The following MEIOB variants were observed in gnomAD, a reference collection of about 807,000 sequenced individuals.
MEIOB encodes meiosis-specific with OB domain-containing protein.
MEIOB carries 50 observed loss-of-function variants against 53.1 expected under a neutral mutation model. The observed-to-expected ratio is 0.94, with a 90% CI of 0.75 to 1.19. MEIOB has a LOEUF of 1.19. MEIOB is among the 50% of genes most tolerant of loss of function. The pLI, the probability that MEIOB is intolerant of heterozygous loss-of-function variation, is 0.00. For synonymous variants in MEIOB, 192 were observed against 182.5 expected (o/e 1.05, Z -0.42); for missense variants, 551 against 550.8 (o/e 1.00, Z 0.00).
chr16:1,841,476 G>A lies in MEIOB; in HGVS notation c.1034+344C>T, dbSNP rs556384243. Among the ~76,000 whole-genome samples, 4 of 152,204 alleles carry A rather than the reference G, an allele frequency of 2.6e-5. No homozygotes were observed. In the South Asian group the frequency reaches 8.3e-4, roughly 32 times the overall value. On this transcript the variant is annotated intron_variant, in intron 11 of 13. Transcript: ENST00000325962. ...ACTACAGGCGCATGCTACTGCACCT[G>A]GCTTGAAAATAATTTTTTTTTAATG...
At chr16:1,836,902 A>G (rs1898761979) in intron 13 of MEIOB, among the ~76,000 whole-genome samples, 1 of 152,230 alleles carries the variant, frequency 6.6e-6, no homozygotes, top group Non-Finnish European at 1.5e-5. Flanking sequence ...ATCAGTAGAT[A>G]TAACCACACA....
intron 1 of MEIOB, among the ~76,000 whole-genome samples, chr16:1,870,608 G>A (rs1291635070): frequency 6.6e-6 from 1 of 152,216 alleles, no homozygotes; most frequent in East Asian, 1.9e-4. Context: ...AGTAGAAACA[G>A]TGTATACAAG....
chr16:1,860,415 G>C lies in MEIOB; in HGVS notation c.320C>G (p.Pro107Arg). 6.5e-7 allele frequency: 1 copy of C among 1,540,712 alleles called. No homozygotes were observed. ...KEIEREEKFS[P>R]ATPSNCKLLL... is the part of the protein sequence containing the mutation. Reference sequence around the variant, plus strand: ...GACAGATGCTTACCTAGGAGTTGCAGGGCTGAATTTTTCTTCTCTTTCTAT... The same window carrying C: ...GACAGATGCTTACCTAGGAGTTGCACGGCTGAATTTTTCTTCTCTTTCTAT... The change falls in exon 5 of 14, where the codon CCT (proline) becomes CGT (arginine). Residue 107 changes from proline (P) to arginine (R), a missense_variant. Physicochemically the swap from Pro to Arg is moderately radical, Grantham distance 103. Coordinates refer to ENST00000325962, the MANE Select transcript of MEIOB (RefSeq NM_001163560.3).
At chr16:1,845,462 G>A (rs1472234157) in intron 9 of MEIOB, among the ~76,000 whole-genome samples, 1 of 152,028 alleles carries the variant, frequency 6.6e-6, no homozygotes, top group African/African-American at 2.4e-5. Flanking sequence ...GGAGCTTGCA[G>A]TAAACTGAGA....
At chr16:1,860,330 T>C (rs535655462) in intron 5 of MEIOB, 73 bp downstream of exon 5, 3 of 774,356 alleles carry the variant, frequency 3.9e-6, no homozygotes, top group East Asian at 2.8e-5. Context: ...TTTAGTAAGA[T>C]CTCTGCTAAT....
intron 9 of MEIOB, among the ~76,000 whole-genome samples, chr16:1,848,978 A>G (rs548834056): frequency 1.5e-4 from 23 of 152,250 alleles, no homozygotes; most frequent in Admixed American, 3.3e-4. Context: ...CCCATCAGAT[A>G]GGCAAAAGGT....
In MEIOB at chr16:1,834,380, C is replaced by A; in HGVS notation, c.1306-14G>T. On this transcript the variant is annotated splice_polypyrimidine_tract_variant and intron_variant, in intron 13 of 13. Coordinates refer to ENST00000325962, the MANE Select transcript of MEIOB (RefSeq NM_001163560.3). ...TGATAGAACGAACTGCGAGGAGAAACAGAAAAAGAGACAAAAGGTTAATTT... is the reference window on the plus strand; with the variant it reads ...TGATAGAACGAACTGCGAGGAGAAAAAGAAAAAGAGACAAAAGGTTAATTT... The A allele has an allele frequency of 7.2e-7, 1 of 1,395,472 alleles. No individual in the cohort carries two copies. The allele number at this position is 1,395,472 out of a possible 1,614,324, so 86.4% of individuals were successfully genotyped here. A position where few individuals can be genotyped will look rare whatever the true frequency, so the allele number is the denominator to read the frequency against.
intron 12 of MEIOB, among the ~76,000 whole-genome samples, chr16:1,838,691 GTTTTTT>G (rs879708755): frequency 6.7e-6 from 1 of 148,406 alleles, no homozygotes; most frequent in Non-Finnish European, 1.5e-5. Context: ...TTAGTGTTTT[GTTTTTT>G]TTTTAATTAT....
chr16:1,862,735 T>C (rs1899478510), intron 3 of MEIOB, among the ~76,000 whole-genome samples: 1 of 152,030 alleles, frequency 6.6e-6, no homozygotes, highest in African/African-American at 2.4e-5. Flanking sequence ...CTGGCCAACA[T>C]GGTGAAACCC....
At chr16:1,863,486 A>G (rs1899507143) in intron 3 of MEIOB, among the ~76,000 whole-genome samples, 1 of 151,860 alleles carries the variant, frequency 6.6e-6, no homozygotes, top group Non-Finnish European at 1.5e-5. Flanking sequence ...TCCTGGGTTC[A>G]AGCAATTCTC....
In MEIOB at chr16:1,839,259, C is replaced by G; in HGVS notation, c.1214G>C (p.Cys405Ser). 1.3e-6 allele frequency: 2 copies of G among 1,591,092 alleles called. No homozygotes were observed. The highest frequency in any genetic ancestry group is 8.5e-7 in the Non-Finnish European group (1 of 1,170,548). ...TTCTTCCTTTTTGCTATTTACCGTGCAGCCCAAAGTCTCCTCAGCAACACT... is the reference window on the plus strand; with the variant it reads ...TTCTTCCTTTTTGCTATTTACCGTGGAGCCCAAAGTCTCCTCAGCAACACT... ...TGSVAEETLG[C>S]TVHEFLAMTD... The change falls in exon 12 of 14, where the codon TGC becomes TCC. Residue 405 changes from cysteine (C) to serine (S), a missense_variant. By Grantham distance (112) the Cys-to-Ser change is moderately radical. Coordinates refer to ENST00000325962, the MANE Select transcript of MEIOB (RefSeq NM_001163560.3).
At chr16:1,837,891 A>T in intron 12 of MEIOB, 21 bp from the exon 13 acceptor site, 1 of 1,484,098 alleles carries the variant, frequency 6.7e-7, no homozygotes, top group Non-Finnish European at 9.0e-7. Flanking sequence ...AAAAAATATG[A>T]GACAAATATA....
intron 7 of MEIOB, 26 bp downstream of exon 7, chr16:1,854,074 A>G (rs2142089905): frequency 7.4e-7 from 1 of 1,359,914 alleles, no homozygotes; most frequent in South Asian, 1.3e-5. Flanking sequence ...GGGATTTCAC[A>G]GTTTGGAACA....
intron 4 of MEIOB, among the ~76,000 whole-genome samples, chr16:1,861,776 C>T (rs936826341): frequency 6.6e-6 from 1 of 152,096 alleles, no homozygotes; most frequent in Non-Finnish European, 1.5e-5. Context: ...CTCACGCAAT[C>T]CACCCACCTC....
intron 9 of MEIOB, among the ~76,000 whole-genome samples, chr16:1,845,674 C>T (rs1299832663): frequency 6.9e-6 from 1 of 145,522 alleles, no homozygotes; most frequent in African/African-American, 2.5e-5. Context: ...CTTTACTTAT[C>T]ATAAAAAAAA....
intron 3 of MEIOB, among the ~76,000 whole-genome samples, 170 bp downstream of exon 3, chr16:1,865,608 G>C (rs1439725581): frequency 6.6e-6 from 1 of 152,136 alleles, no homozygotes; most frequent in East Asian, 1.9e-4. Flanking sequence ...ATGTGGGAGG[G>C]AGGGAGAGAG....
At chr16:1,860,052 T>C (rs1249254267) in intron 5 of MEIOB, among the ~76,000 whole-genome samples, 1 of 152,222 alleles carries the variant, frequency 6.6e-6, no homozygotes, top group Non-Finnish European at 1.5e-5. Context: ...TTCGAAGGAA[T>C]CTGCCCTAAG....
intron 5 of MEIOB, 66 bp downstream of exon 5, chr16:1,860,337 T>C (rs1194479357): frequency 6.9e-6 from 6 of 871,366 alleles, no homozygotes; most frequent in African/African-American, 1.7e-5. Context: ...AGATCTCTGC[T>C]AATCTGATAC....
At chr16:1,866,785 A>T (rs377753694) in intron 2 of MEIOB, among the ~76,000 whole-genome samples, 1 of 152,212 alleles carries the variant, frequency 6.6e-6, no homozygotes, top group Non-Finnish European at 1.5e-5. Flanking sequence ...AAAGGAAAAA[A>T]ACTAAACTTA....
Sources: gnomAD v4.1 joint callset for allele counts (sites outside exome capture counted in the v4.1 genomes callset) on GRCh38, gnomAD v4.1.1 for gene constraint, MANE v1.5 for transcripts, NCBI Gene and HGNC (gene_info 2026-07-23, HGNC 2026-07-21) for gene names.